The following METTL16 variants were observed in gnomAD, a reference collection of about 807,000 sequenced individuals.
The protein encoded by METTL16 is RNA N(6)-adenosine-methyltransferase METTL16.
METTL16 carries 19 observed loss-of-function variants against 57.9 expected under a neutral mutation model. That is an observed-to-expected ratio of 0.33 (90% CI 0.23 to 0.48). METTL16 has a LOEUF of 0.48. Ranked by LOEUF, METTL16 falls within the 20% of genes least tolerant of loss-of-function variation. The probability of loss-of-function intolerance (pLI) is 0.99; values close to 1 mark genes in which losing one functional copy is unlikely to be tolerated. For missense variants in METTL16, 434 were observed against 691.5 expected (o/e 0.63, Z 4.18); for synonymous variants, 246 against 255.6 (o/e 0.96, Z 0.36).
At position 2,416,904 on chromosome 17, in the gene METTL16, A is replaced by C. The variant is rs912668226; in HGVS notation, c.*3066T>G. On this transcript the variant is annotated 3_prime_UTR_variant, in exon 10 of 10. Coordinates refer to ENST00000263092, the MANE Select transcript of METTL16 (RefSeq NM_024086.4). ...CAACACACAATTATAAAGCATATGC[A>C]TGACCAAAACAATGCTTAGATGTCC... 2.0e-5 allele frequency: 3 copies of C among 152,348 alleles called. No individual in the cohort carries two copies. The highest frequency in any genetic ancestry group is 1.9e-4 in the East Asian group (1 of 5,196). 9.4% of individuals were successfully genotyped at this position (152,348 alleles called of 1,614,324 possible).
At chr17:2,452,534 A>G (rs1294131607) in intron 6 of METTL16, among the ~76,000 whole-genome samples, 2 of 152,250 alleles carry the variant, frequency 1.3e-5, no homozygotes, top group Non-Finnish European at 2.9e-5. Context: ...TAGTCACCCA[A>G]GAGACTTTGA....
intron 8 of METTL16, among the ~76,000 whole-genome samples, chr17:2,428,992 G>A (rs551904975): frequency 2.0e-5 from 3 of 151,958 alleles, no homozygotes; most frequent in East Asian, 1.9e-4. Flanking sequence ...CCGAGTAGCT[G>A]GGACTACAGG....
chr17:2,511,003 C>G (rs1368492159), intron 1 of METTL16, among the ~76,000 whole-genome samples: 2 of 152,064 alleles, frequency 1.3e-5, no homozygotes, highest in Non-Finnish European at 2.9e-5. Flanking sequence ...CACCGCATAT[C>G]CCAACGCCTA....
intron 1 of METTL16, among the ~76,000 whole-genome samples, chr17:2,510,622 C>T (rs991779086): frequency 6.6e-6 from 1 of 152,158 alleles, no homozygotes; most frequent in Non-Finnish European, 1.5e-5. Flanking sequence ...GAGTTCTTAG[C>T]TAAATATAAC....
At chr17:2,485,960 T>G (rs1026101191) in intron 2 of METTL16, among the ~76,000 whole-genome samples, 1 of 151,924 alleles carries the variant, frequency 6.6e-6, no homozygotes, top group Non-Finnish European at 1.5e-5. Flanking sequence ...GAACTGACAA[T>G]GGAAGAAAAA....
chr17:2,448,920 G>C (rs2067048024), intron 6 of METTL16, among the ~76,000 whole-genome samples: 1 of 149,576 alleles, frequency 6.7e-6, no homozygotes, highest in Non-Finnish European at 1.5e-5. Flanking sequence ...CCAGCTACTT[G>C]GGAGGCTGAG....
chr17:2,459,432 G>A (rs994034400), intron 6 of METTL16, among the ~76,000 whole-genome samples: 2 of 152,196 alleles, frequency 1.3e-5, no homozygotes, highest in Non-Finnish European at 2.9e-5. Context: ...GGTGAGACAT[G>A]AACCTCCCAG....
chr17:2,461,108 G>T (rs554303983), intron 6 of METTL16, among the ~76,000 whole-genome samples: 1 of 151,808 alleles, frequency 6.6e-6, no homozygotes, highest in Non-Finnish European at 1.5e-5. Flanking sequence ...ATCCTAACAC[G>T]TTGGGAGGCT....
At position 2,490,566 on chromosome 17, in the gene METTL16, G is replaced by C. The variant is rs144325256; in HGVS notation, c.128+11638C>G. On this transcript the variant is annotated intron_variant, in intron 2 of 9. Transcript: ENST00000263092. ...ACATTACCATTATAAATGTAGTTAG[G>C]AAAAATATATTTCTCTAATTTTCCC... Among the ~76,000 whole-genome samples the C allele has an allele frequency of 2.0e-3, 298 of 152,252 alleles. 1 individual carries two copies. The highest frequency in any genetic ancestry group is 5.6e-3 in the Admixed American group (86 of 15,292).
At chr17:2,442,090 A>T (rs2066956969) in intron 6 of METTL16, among the ~76,000 whole-genome samples, 2 of 152,214 alleles carry the variant, frequency 1.3e-5, no homozygotes, top group Non-Finnish European at 2.9e-5. Context: ...GTTGGACTGA[A>T]CTGATTAAAA....
intron 6 of METTL16, among the ~76,000 whole-genome samples, chr17:2,454,030 T>G (rs1032412780): frequency 4.6e-5 from 7 of 152,200 alleles, no homozygotes; most frequent in Non-Finnish European, 1.0e-4. Flanking sequence ...TTATAAGTCA[T>G]TATTGTCATT....
chr17:2,473,488 C>A (rs772856849), intron 4 of METTL16, 36 bp downstream of exon 4: 1 of 1,573,930 alleles, frequency 6.4e-7, no homozygotes, highest in Admixed American at 1.9e-5. Context: ...CAGGTGAAGA[C>A]ACAAAGTTTG....
At chr17:2,474,386 GAAAAAAAAAA>G (rs752477163) in intron 3 of METTL16, among the ~76,000 whole-genome samples, 2 of 60,236 alleles carry the variant, frequency 3.3e-5, no homozygotes, top group African/African-American at 8.6e-5. Context: ...GAAACAAAAA[GAAAAAAAAAA>G]AAAAAAAAAA....
chr17:2,499,499 A>ACGCCACTGC (rs2067472071), intron 2 of METTL16, among the ~76,000 whole-genome samples: 1 of 148,052 alleles, frequency 6.8e-6, no homozygotes, highest in African/African-American at 2.7e-5. Context: ...TACTAGGATC[A>ACGCCACTGC]ACATCCACGT....
intron 6 of METTL16, among the ~76,000 whole-genome samples, chr17:2,448,793 A>AT (rs2067042138): frequency 1.1e-5 from 1 of 94,418 alleles, no homozygotes; most frequent in East Asian, 2.2e-4. Flanking sequence ...AAAAAATAAA[A>AT]ATAAAATTTA....
At chr17:2,479,776 A>G (rs779405240) in intron 2 of METTL16, among the ~76,000 whole-genome samples, 1 of 152,148 alleles carries the variant, frequency 6.6e-6, no homozygotes, top group Non-Finnish European at 1.5e-5. Flanking sequence ...CACTCCCCAC[A>G]GCAAAAATGT....
At chr17:2,495,174 G>A (rs111424635) in intron 2 of METTL16, among the ~76,000 whole-genome samples, 5 of 151,378 alleles carry the variant, frequency 3.3e-5, no homozygotes, top group Non-Finnish European at 7.4e-5. Flanking sequence ...AAACAACAAC[G>A]ACAAAAAATT....
intron 2 of METTL16, among the ~76,000 whole-genome samples, chr17:2,482,429 C>T (rs1024983532): frequency 6.6e-6 from 1 of 152,180 alleles, no homozygotes; most frequent in African/African-American, 2.4e-5. Flanking sequence ...AAGATGAAAA[C>T]ACCTGTGAAC....
intron 6 of METTL16, 89 bp from the exon 7 acceptor site, chr17:2,441,648 G>C: frequency 1.4e-6 from 1 of 713,412 alleles, no homozygotes; most frequent in Non-Finnish European, 2.1e-6. Flanking sequence ...GATGAGAACA[G>C]TAACAAACAA....
Sources: allele counts gnomAD v4.1 joint callset (sites outside exome capture counted in the v4.1 genomes callset), GRCh38; gene constraint gnomAD v4.1.1; transcripts MANE v1.5; gene names NCBI Gene and HGNC (gene_info 2026-07-23, HGNC 2026-07-21).